FOXP1: variants seen among roughly 807,000 people sequenced by gnomAD.
FOXP1 encodes forkhead box P1, also known as forkhead box protein P1.
Under a neutral mutation model 98.2 loss-of-function variants are expected in FOXP1, and 15 were observed. The ratio of observed to expected loss-of-function variants is 0.15; its 90% CI spans 0.10 to 0.24. The LOEUF (loss-of-function observed/expected upper bound fraction) is 0.24, where lower values mean the gene tolerates loss of function less well. Among genes scored for constraint, FOXP1 ranks in the 10% least tolerant of loss-of-function variants. FOXP1 has a pLI of 1.00. For missense variants in FOXP1, 633 were observed against 848.5 expected, an observed-to-expected ratio of 0.75 and a Z score of 3.15; for synonymous variants, 371 against 314.5, an observed-to-expected ratio of 1.18 and a Z score of -1.90.
intron 11 of FOXP1, among the ~76,000 whole-genome samples, chr3:71,028,404 T>A (rs1004150792): frequency 2.0e-5 from 3 of 152,158 alleles, no homozygotes; most frequent in Non-Finnish European, 4.4e-5. Flanking sequence ...CCCACCCCAA[T>A]TTACTGAATC....
Position 71,041,389 on chromosome 3 carries a change from T to C in FOXP1, c.808A>G (p.Ile270Val), listed in dbSNP as rs1235604662. The change falls in exon 11 of 21, where the codon ATA becomes GTA. Residue 270 changes from isoleucine (I) to valine (V), a missense_variant. Physicochemically the swap from Ile to Val is conservative, Grantham distance 29. Coordinates refer to ENST00000649528, the MANE Select transcript of FOXP1 (RefSeq NM_001349338.3). The part of the protein sequence containing the change: ...SSSAPSKTSL[I>V]MNPHASTNGQ... ...TTGGTAGAGGCATGTGGGTTCATTA[T>C]TAAGGAGGTCTTGGAAGGTGCAGAG... 6.2e-6 allele frequency: 10 copies of C among 1,613,792 alleles called. No homozygotes were observed. In the East Asian group the frequency reaches 6.7e-5, roughly 11 times the overall value.
At chr3:71,563,640 A>G (rs1438362497) in intron 2 of FOXP1, among the ~76,000 whole-genome samples, 1 of 152,196 alleles carries the variant, frequency 6.6e-6, no homozygotes, top group Non-Finnish European at 1.5e-5. Flanking sequence ...AAATTTTTCT[A>G]CATTTCAGAA....
At chr3:71,036,012 CAT>C (rs1193317545) in intron 11 of FOXP1, among the ~76,000 whole-genome samples, 2 of 152,148 alleles carry the variant, frequency 1.3e-5, no homozygotes, top group Non-Finnish European at 2.9e-5. Context: ...TAGACATGTA[CAT>C]GTTTCAAAGT....
chr3:71,431,444 G>C (rs944849443), intron 3 of FOXP1, among the ~76,000 whole-genome samples: 1 of 152,116 alleles, frequency 6.6e-6, no homozygotes, highest in African/African-American at 2.4e-5. Context: ...TACCATGCTA[G>C]GCACTTAGCT....
intron 14 of FOXP1, among the ~76,000 whole-genome samples, chr3:70,985,193 G>T (rs2039522060): frequency 6.6e-6 from 1 of 152,172 alleles, no homozygotes; most frequent in South Asian, 2.1e-4. Flanking sequence ...TTGAATCCTG[G>T]TGACTGCCTG....
chr3:71,037,191 C>A (rs531395080), intron 11 of FOXP1, among the ~76,000 whole-genome samples: 1 of 152,272 alleles, frequency 6.6e-6, no homozygotes, highest in South Asian at 2.1e-4. Context: ...AGAGAAGGAA[C>A]TGATTAAATG....
intron 2 of FOXP1, among the ~76,000 whole-genome samples, chr3:71,538,648 C>T (rs777190639): frequency 6.6e-6 from 1 of 152,190 alleles, no homozygotes; most frequent in Non-Finnish European, 1.5e-5. Flanking sequence ...TGTAGATAGA[C>T]AATTTCATTC....
intron 3 of FOXP1, among the ~76,000 whole-genome samples, chr3:71,476,165 T>C (rs1457134289): frequency 6.6e-6 from 1 of 152,238 alleles, no homozygotes; most frequent in Non-Finnish European, 1.5e-5. Flanking sequence ...TGACTGAAAG[T>C]GGTTTTCTCC....
intron 3 of FOXP1, among the ~76,000 whole-genome samples, chr3:71,457,773 T>C (rs149796194): frequency 8.5e-4 from 129 of 152,308 alleles, no homozygotes; most frequent in African/African-American, 2.9e-3. Flanking sequence ...CGAAGAGATA[T>C]GCCTGGGAAA....
In FOXP1 at chr3:70,976,822, C is replaced by G. The variant is rs2037665064; in HGVS notation, c.1530+119G>C. ...ATCAAATACACCTAGAGATTGGACACTTTAAGAGTATCAAAACAATATAAA... is the reference window on the plus strand; with the variant it reads ...ATCAAATACACCTAGAGATTGGACAGTTTAAGAGTATCAAAACAATATAAA... On this transcript the variant is annotated intron_variant, in intron 17 of 20. Coordinates refer to ENST00000649528, the MANE Select transcript of FOXP1 (RefSeq NM_001349338.3). 3 of 748,464 alleles carry G rather than the reference C, an allele frequency of 4.0e-6. No homozygotes were observed. The Admixed American group carries it at 6.0e-5, about 15-fold the overall frequency. 46.4% of individuals were successfully genotyped at this position (748,464 alleles called of 1,614,324 possible). A position where few individuals can be genotyped will look rare whatever the true frequency, so the allele number is the denominator to read the frequency against.
chr3:71,442,700 C>G (rs1430622406), intron 3 of FOXP1, among the ~76,000 whole-genome samples: 1 of 151,998 alleles, frequency 6.6e-6, no homozygotes, highest in African/African-American at 2.4e-5. Flanking sequence ...ACAGTCACTC[C>G]CACGTCTGGA....
intron 11 of FOXP1, among the ~76,000 whole-genome samples, chr3:71,031,005 T>C (rs1424463161): frequency 1.3e-5 from 2 of 152,236 alleles, no homozygotes; most frequent in Non-Finnish European, 2.9e-5. Context: ...CTCAGGTCTA[T>C]GGTCATGATT....
chr3:71,489,791 G>A (rs1039358296), intron 3 of FOXP1, among the ~76,000 whole-genome samples: 7 of 152,176 alleles, frequency 4.6e-5, no homozygotes, highest in African/African-American at 1.7e-4. Context: ...GGCATCAATC[G>A]AGTACATTAC....
intron 7 of FOXP1, among the ~76,000 whole-genome samples, chr3:71,085,777 T>A (rs969793845): frequency 8.1e-6 from 1 of 122,784 alleles, no homozygotes; most frequent in African/African-American, 2.9e-5. Flanking sequence ...GTTGCCAGAC[T>A]GGAGTGCAGT....
At chr3:71,580,278 C>CT (rs1369272065) in intron 2 of FOXP1, among the ~76,000 whole-genome samples, 36 of 149,834 alleles carry the variant, frequency 2.4e-4, no homozygotes, top group Non-Finnish European at 3.9e-4. Context: ...GATGTTAAAC[C>CT]TTTTTTTTTC....
At chr3:71,084,847 A>G (rs1313786678) in intron 7 of FOXP1, among the ~76,000 whole-genome samples, 4 of 152,206 alleles carry the variant, frequency 2.6e-5, no homozygotes, top group Non-Finnish European at 5.9e-5. Context: ...AGCCTGTGCA[A>G]CACAGCAAGA....
intron 4 of FOXP1, among the ~76,000 whole-genome samples, chr3:71,329,307 C>T (rs558671994): frequency 4.5e-4 from 68 of 152,008 alleles, no homozygotes; most frequent in African/African-American, 1.4e-3. Context: ...CTGCAAGCTC[C>T]GCCTCCTGGG....
At chr3:71,279,192 A>AAAAAAAAAAAAAAAAAAAAAC (rs368277709) in intron 5 of FOXP1, among the ~76,000 whole-genome samples, 2 of 139,356 alleles carry the variant, frequency 1.4e-5, no homozygotes. Context: ...AAAAAAAAAA[A>AAAAAAAAAAAAAAAAAAAAAC]AGAAAGAAAT....
intron 2 of FOXP1, among the ~76,000 whole-genome samples, chr3:71,505,460 G>A (rs963174333): frequency 7.4e-5 from 9 of 121,300 alleles, no homozygotes; most frequent in South Asian, 2.6e-4. Context: ...TCACTCCGTC[G>A]CCCAGGCTGG....
Sources: allele counts gnomAD v4.1 joint callset (sites outside exome capture counted in the v4.1 genomes callset), GRCh38; gene constraint gnomAD v4.1.1; transcripts MANE v1.5; gene names NCBI Gene and HGNC (gene_info 2026-07-23, HGNC 2026-07-21).